The following STXBP6 variants were observed in gnomAD, a reference collection of about 807,000 sequenced individuals.
STXBP6 encodes the protein syntaxin-binding protein 6.
In STXBP6, 21 loss-of-function variants were observed where a neutral mutation model predicts 26.9. That is an observed-to-expected ratio of 0.78 (90% confidence interval 0.55 to 1.12). The LOEUF (loss-of-function observed/expected upper bound fraction) is 1.12, where lower values mean the gene tolerates loss of function less well. STXBP6 is among the 50% of genes most tolerant of loss of function. The pLI is 0.00. For synonymous variants in STXBP6, 97 were observed against 92.6 expected, an observed-to-expected ratio of 1.05 and a Z score of -0.27; for missense variants, 232 against 257.9, an observed-to-expected ratio of 0.90 and a Z score of 0.69.
chr14:24,837,937 G>A (rs117981251), intron 4 of STXBP6, among the ~76,000 whole-genome samples: 2,413 of 152,246 alleles, frequency 0.016, 25 homozygotes, highest in Non-Finnish European at 0.024. Flanking sequence ...CAATCTCCTG[G>A]AGTTTGGCTG....
chr14:25,027,019 T>C (rs1343179525), intron 1 of STXBP6, among the ~76,000 whole-genome samples: 14 of 152,208 alleles, frequency 9.2e-5, no homozygotes, highest in Admixed American at 9.2e-4. Context: ...TCCTATCAGA[T>C]TTCTAAATGG....
rs535392147 is a variant in STXBP6, at chr14:24,889,948, A to C, written c.155-32791T>G. On this transcript the variant is annotated intron_variant, in intron 2 of 5. Coordinates refer to ENST00000323944, the MANE Select transcript of STXBP6 (RefSeq NM_001394410.1). ...TACCAGAGAACTAAGCCACAAAGGG[A>C]GCTTCACCTCTTCTAACATCCAGAG... is the stretch of plus-strand genomic sequence containing the variant. Among the ~76,000 whole-genome samples, 5 of 152,338 alleles carry C rather than the reference A, an allele frequency of 3.3e-5. 1 individual carries two copies. The East Asian group carries it at 9.6e-4, about 29-fold the overall frequency.
rs2067840623 is a variant in STXBP6 at position 24,812,121 on chromosome 14, T to C, written c.*588A>G. Reference sequence around the variant, plus strand: ...TTTTTTGAACGCTGGTGATGGTTCATGCAAAAGATTACTATGCAAGGAGCA... The same window carrying C: ...TTTTTTGAACGCTGGTGATGGTTCACGCAAAAGATTACTATGCAAGGAGCA... On this transcript the variant is annotated 3_prime_UTR_variant, in exon 6 of 6. Coordinates refer to ENST00000323944, the MANE Select transcript of STXBP6 (RefSeq NM_001394410.1). 1 of 151,488 alleles carries C rather than the reference T, an allele frequency of 6.6e-6. No individual in the cohort carries two copies. The allele number at this position is 151,488 out of a possible 1,614,324, so 9.4% of individuals were successfully genotyped here.
At chr14:24,859,547 T>G (rs1204105787) in intron 2 of STXBP6, among the ~76,000 whole-genome samples, 2 of 152,154 alleles carry the variant, frequency 1.3e-5, no homozygotes, top group South Asian at 4.1e-4. Flanking sequence ...ATTGTTTTGT[T>G]GTTTTGGGAG....
At chr14:24,990,017 GT>G (rs1453422039) in intron 1 of STXBP6, among the ~76,000 whole-genome samples, 2 of 152,210 alleles carry the variant, frequency 1.3e-5, no homozygotes, top group Non-Finnish European at 2.9e-5. Flanking sequence ...GGAGACAATG[GT>G]TTTTAAATGG....
At chr14:24,920,029 C>G (rs538511678) in intron 2 of STXBP6, among the ~76,000 whole-genome samples, 2 of 152,050 alleles carry the variant, frequency 1.3e-5, no homozygotes, top group African/African-American at 4.8e-5. Context: ...GTTTTGATAT[C>G]CAAAAATTTC....
intron 2 of STXBP6, among the ~76,000 whole-genome samples, chr14:24,933,417 AT>A (rs2072491724): frequency 6.6e-6 from 1 of 152,150 alleles, no homozygotes; most frequent in African/African-American, 2.4e-5. Context: ...GGAGTAGAAG[AT>A]TTAGGAACTG....
intron 1 of STXBP6, among the ~76,000 whole-genome samples, chr14:25,042,744 C>A (rs1811633394): frequency 6.6e-6 from 1 of 152,196 alleles, no homozygotes; most frequent in South Asian, 2.1e-4. Context: ...TCTCAGGCCC[C>A]ATCCCAGACC....
At chr14:24,992,676 T>C (rs1461107346) in intron 1 of STXBP6, among the ~76,000 whole-genome samples, 2 of 152,218 alleles carry the variant, frequency 1.3e-5, no homozygotes, top group Non-Finnish European at 2.9e-5. Flanking sequence ...TGGAGTTTGC[T>C]GACCCCTGGA....
At chr14:24,876,017 G>A (rs1422899534) in intron 2 of STXBP6, among the ~76,000 whole-genome samples, 1 of 152,138 alleles carries the variant, frequency 6.6e-6, no homozygotes, top group Non-Finnish European at 1.5e-5. Flanking sequence ...GGAGGGGTGG[G>A]GTGAGAGGTG....
At position 25,024,308 on chromosome 14, in the gene STXBP6, C is replaced by CAA. The variant is rs201709869; in HGVS notation, c.-33+25568_-33+25569dup. ...TGGGTGACAGAGTGAGACTCTGACT[C>CAA]AAAAAAAAAAAAAATTTTGTTTTCA... On this transcript the variant is annotated intron_variant, in intron 1 of 5. Transcript: ENST00000323944. Among the ~76,000 whole-genome samples, 12 of 123,276 alleles carry CAA rather than the reference C, an allele frequency of 9.7e-5. No individual in the cohort carries two copies. In the East Asian group the frequency reaches 1.6e-3, roughly 16 times the overall value. The allele number at this position is 123,276 out of a possible 152,430, so 80.9% of individuals were successfully genotyped here.
intron 2 of STXBP6, among the ~76,000 whole-genome samples, chr14:24,921,630 A>T (rs936364154): frequency 6.6e-6 from 1 of 152,134 alleles, no homozygotes; most frequent in Non-Finnish European, 1.5e-5. Context: ...TTCTAATACC[A>T]GCTAAAAGGC....
intron 1 of STXBP6, among the ~76,000 whole-genome samples, chr14:25,029,777 G>C (rs1159084991): frequency 6.6e-6 from 1 of 152,094 alleles, no homozygotes; most frequent in African/African-American, 2.4e-5. Context: ...AGAGGAAAAA[G>C]AATGTATAAT....
chr14:24,856,025 G>A lies in STXBP6; in HGVS notation c.362C>T (p.Thr121Ile), dbSNP rs200179208. Residue 121 changes from threonine to isoleucine, a missense_variant, in exon 4 of 6, where the codon ACC becomes ATC. Transcript: ENST00000323944. ...GGTATGGTGGAGGATCTGGAAGAAGGTGCATTTTTCTGACGCTGTGCTGGC... is the reference window on the plus strand; with the variant it reads ...GGTATGGTGGAGGATCTGGAAGAAGATGCATTTTTCTGACGCTGTGCTGGC... ...WVASTASEKC[T>I]FFQILHHTCQ... The A allele has an allele frequency of 1.9e-6, 3 of 1,611,576 alleles. No individual in the cohort carries two copies. The highest frequency in any genetic ancestry group is 1.3e-5 in the African/African-American group (1 of 74,776).
At position 24,963,071 on chromosome 14, in the gene STXBP6, C is replaced by T. The variant is rs994310748; in HGVS notation, c.154+11594G>A. On this transcript the variant is annotated intron_variant, in intron 2 of 5. Coordinates refer to ENST00000323944, the MANE Select transcript of STXBP6 (RefSeq NM_001394410.1). ...GGAGAAGTATTAAAAAACATGAATC[C>T]TGAAAATCAAAGGCATGATTTTCCC... is the stretch of plus-strand genomic sequence containing the variant. Among the ~76,000 whole-genome samples the T allele has an allele frequency of 2.6e-5, 4 of 152,200 alleles. 1 individual carries two copies. The highest frequency in any genetic ancestry group is 3.4e-3 in the Middle Eastern group (1 of 294).
chr14:25,010,372 T>A (rs780286260), intron 1 of STXBP6, among the ~76,000 whole-genome samples: 3 of 152,278 alleles, frequency 2.0e-5, no homozygotes, highest in Non-Finnish European at 4.4e-5. Flanking sequence ...TTACATTCTT[T>A]GCTCTTAGCA....
chr14:24,960,595 T>C (rs750973430), intron 2 of STXBP6, among the ~76,000 whole-genome samples: 16 of 152,194 alleles, frequency 1.1e-4, no homozygotes, highest in Non-Finnish European at 2.4e-4. Flanking sequence ...TTTTTGGCCT[T>C]TCTCTTCCAG....
chr14:24,930,848 A>ACG (rs947609060), intron 2 of STXBP6, among the ~76,000 whole-genome samples: 2 of 151,260 alleles, frequency 1.3e-5, no homozygotes, highest in African/African-American at 4.9e-5. Flanking sequence ...GCGGTGGCTC[A>ACG]CGCCTGTAAT....
Position 24,812,643 on chromosome 14 carries a change from C to A in STXBP6, c.*66G>T, listed in dbSNP as rs2067854678. ...AAGAAGCAAGCGGAGGTCCCGAATT[C>A]TTGTAAAAACTGCTGAACAAACTCT... On this transcript the variant is annotated 3_prime_UTR_variant, in exon 6 of 6. Coordinates refer to ENST00000323944, the MANE Select transcript of STXBP6 (RefSeq NM_001394410.1). 8 of 1,549,700 alleles carry A rather than the reference C, an allele frequency of 5.2e-6. No homozygotes were observed. The highest frequency in any genetic ancestry group is 7.1e-6 in the Non-Finnish European group (8 of 1,123,198).
Sources: allele counts gnomAD v4.1 joint callset (sites outside exome capture counted in the v4.1 genomes callset), GRCh38; gene constraint gnomAD v4.1.1; transcripts MANE v1.5; gene names NCBI Gene and HGNC (gene_info 2026-07-23, HGNC 2026-07-21).